HTT: variants seen among roughly 807,000 people sequenced by gnomAD.
HTT encodes huntingtin.
In HTT, 104 loss-of-function variants were observed where a neutral mutation model predicts 362.3. That is an observed-to-expected ratio of 0.29 (90% CI 0.24 to 0.34). The LOEUF is 0.34. Among genes scored for constraint, HTT ranks in the 10% least tolerant of loss-of-function variants. The pLI is 1.00. For synonymous variants in HTT, 1,577 were observed against 1,548.7 expected (o/e 1.02, Z -0.43); for missense variants, 3,301 against 3,928.6 (o/e 0.84, Z 4.27).
intron 21 of HTT, among the ~76,000 whole-genome samples, chr4:3,136,606 A>G (rs1180106836): frequency 6.6e-6 from 1 of 151,890 alleles, no homozygotes; most frequent in African/African-American, 2.4e-5. Flanking sequence ...AGAAAAAAAA[A>G]ATCACCTTCA....
chr4:3,179,998 G>C (rs758504195), intron 35 of HTT, among the ~76,000 whole-genome samples: 32 of 152,204 alleles, frequency 2.1e-4, no homozygotes, highest in Non-Finnish European at 5.9e-5. Flanking sequence ...TAGTAGACCA[G>C]TTAATTTATT....
At chr4:3,100,492 T>A (rs797002680) in intron 3 of HTT, among the ~76,000 whole-genome samples, 1 of 152,230 alleles carries the variant, frequency 6.6e-6, no homozygotes, top group African/African-American at 2.4e-5. Flanking sequence ...GCCATGGGAT[T>A]CTAGCTCCCT....
intron 6 of HTT, among the ~76,000 whole-genome samples, chr4:3,109,968 C>T (rs1435242596): frequency 1.3e-5 from 2 of 152,128 alleles, no homozygotes; most frequent in African/African-American, 2.4e-5. Context: ...AGGAAGGCAT[C>T]TTGGAGGTGG....
chr4:3,118,200 A>G (rs1195426786), intron 8 of HTT, among the ~76,000 whole-genome samples: 1 of 152,172 alleles, frequency 6.6e-6, no homozygotes. Flanking sequence ...TTTAGTGTAT[A>G]TTTTATATCT....
At chr4:3,155,500 C>T (rs1267119818) in intron 27 of HTT, among the ~76,000 whole-genome samples, 2 of 151,608 alleles carry the variant, frequency 1.3e-5, no homozygotes, top group African/African-American at 4.8e-5. Flanking sequence ...GCTGGGATTA[C>T]AGGCATGAGT....
chr4:3,154,266 T>TTTTTTG (rs1250791206), intron 26 of HTT, 27 bp from the exon 27 acceptor site: 2 of 1,520,282 alleles, frequency 1.3e-6, no homozygotes, highest in East Asian at 4.9e-5. Context: ...TGTTTTTTTG[T>TTTTTTG]TTTTTGTTTT....
In HTT at chr4:3,121,242, G is replaced by T. The variant is rs114476023; in HGVS notation, c.1083G>T (p.Thr361=). The stretch of plus-strand genomic sequence containing the variant: ...TCTGTTTCTAGGTTTATGAACTGAC[G>T]TTACATCATACACAGCACCAAGACC... ...AEQLVQVYEL[T]LHHTQHQDHN... is the part of the protein sequence containing the mutation. The change falls in exon 9 of 67, where the codon ACG becomes ACT. Residue 361 remains threonine, a synonymous_variant. Coordinates refer to ENST00000355072, the MANE Select transcript of HTT (RefSeq NM_001388492.1). The T allele has an allele frequency of 3.1e-6, 5 of 1,613,518 alleles. No homozygotes were observed. The highest frequency in any genetic ancestry group is 4.2e-6 in the Non-Finnish European group (5 of 1,179,572).
At chr4:3,150,588 A>G (rs1387741971) in intron 26 of HTT, among the ~76,000 whole-genome samples, 1 of 152,186 alleles carries the variant, frequency 6.6e-6, no homozygotes, top group Non-Finnish European at 1.5e-5. Context: ...TTATCAAGCT[A>G]GAAACAGGTC....
intron 2 of HTT, among the ~76,000 whole-genome samples, chr4:3,089,162 T>G (rs1359482599): frequency 1.3e-5 from 2 of 152,186 alleles, no homozygotes; most frequent in Non-Finnish European, 2.9e-5. Flanking sequence ...TGTGAAACAC[T>G]GTGAAAAAGC....
At position 3,220,162 on chromosome 4, in the gene HTT, C is replaced by G. The variant is rs1394162293; in HGVS notation, c.7243-20C>G. The G allele has an allele frequency of 2.5e-6, 4 of 1,613,998 alleles. No individual in the cohort carries two copies. The East Asian group carries it at 6.7e-5, about 27-fold the overall frequency. On this transcript the variant is annotated intron_variant, in intron 52 of 66. Transcript: ENST00000355072. ...TCCTGACTCAACTCGGATGATGTCA[C>G]TTCCTTTTCATCTTCTCAGGTGTGG...
At chr4:3,223,583 C>T in intron 55 of HTT, 23 bp downstream of exon 55, 1 of 1,583,222 alleles carries the variant, frequency 6.3e-7, no homozygotes, top group Non-Finnish European at 8.6e-7. Context: ...TCCCACGTGT[C>T]TCTGGGACAT....
At chr4:3,145,777 T>C (rs1716568840) in intron 24 of HTT, among the ~76,000 whole-genome samples, 1 of 152,218 alleles carries the variant, frequency 6.6e-6, no homozygotes, top group Non-Finnish European at 1.5e-5. Flanking sequence ...TCACATCACA[T>C]TTGAGAAGTA....
At position 3,147,995 on chromosome 4, in the gene HTT, C is replaced by T; in HGVS notation, c.3296-10C>T. 1 of 1,606,162 alleles carries T rather than the reference C, an allele frequency of 6.2e-7. No homozygotes were observed. Among genetic ancestry groups the T allele is most frequent in the Non-Finnish European group, 8.5e-7 (1 of 1,175,262 alleles). On this transcript the variant is annotated splice_polypyrimidine_tract_variant and intron_variant, in intron 25 of 66. Transcript: ENST00000355072. ...GGGGTGGAGAGGTAATGTCTGTGCC[C>T]ATATCACAGCCAGTGCTCCCAAATC...
Position 3,199,719 on chromosome 4 carries a change from A to C in HTT, c.5369-13A>C. 1 of 1,611,986 alleles carries C rather than the reference A, an allele frequency of 6.2e-7. No homozygotes were observed. Among genetic ancestry groups the C allele is most frequent in the Non-Finnish European group, 8.5e-7 (1 of 1,179,044 alleles). On this transcript the variant is annotated splice_polypyrimidine_tract_variant and intron_variant, in intron 40 of 66. Coordinates refer to ENST00000355072, the MANE Select transcript of HTT (RefSeq NM_001388492.1). ...ATGAAAGCAAAGACATTTCTCCTTAACTTTGTTTCTAGGAATGTTCCGGAG... is the reference window on the plus strand; with the variant it reads ...ATGAAAGCAAAGACATTTCTCCTTACCTTTGTTTCTAGGAATGTTCCGGAG...
In HTT at chr4:3,206,675, T is replaced by C. The variant is rs750974070; in HGVS notation, c.5898T>C (p.Thr1966=). ...AGTCTCGTTGTGAAAACCTTTCAAC[T>C]GTACGTCTTCATCCTGCCGACTATT... The part of the protein sequence containing the change: ...AIQSRCENLS[T]PTMLKKTLQC... Residue 1966 remains threonine (T), a splice_region_variant and synonymous_variant, in exon 43 of 67, where the codon ACT becomes ACC. Coordinates refer to ENST00000355072, the MANE Select transcript of HTT (RefSeq NM_001388492.1). This position sits in a 1 kb window ranked among gnomAD's most constrained non-coding sequence, Gnocchi z 4.6. 6.2e-7 allele frequency: 1 copy of C among 1,613,496 alleles called. No individual in the cohort carries two copies. The highest frequency in any genetic ancestry group is 1.1e-5 in the South Asian group (1 of 91,024).
At chr4:3,222,760 C>A (rs1222338296) in intron 54 of HTT, among the ~76,000 whole-genome samples, 3 of 152,094 alleles carry the variant, frequency 2.0e-5, no homozygotes, top group Admixed American at 1.3e-4. Context: ...TGGAAAATAT[C>A]TTTTAGTTTA....
chr4:3,213,192 C>G (rs188380982), intron 49 of HTT: 192 of 159,042 alleles, frequency 1.2e-3, no homozygotes, highest in Admixed American at 2.8e-3. Flanking sequence ...ACAGAGGCTC[C>G]GCCTCCACCT....
At chr4:3,105,484 A>C (rs976748915) in intron 5 of HTT, 48 bp downstream of exon 5, 4 of 1,214,236 alleles carry the variant, frequency 3.3e-6, no homozygotes, top group Non-Finnish European at 4.9e-6. Context: ...GCCAGCTGCT[A>C]CTGATCCTTT....
intron 3 of HTT, among the ~76,000 whole-genome samples, chr4:3,102,569 G>A (rs1196279998): frequency 6.6e-6 from 1 of 152,224 alleles, no homozygotes; most frequent in African/African-American, 2.4e-5. Context: ...CCCAGAATGT[G>A]ATCTGGTTTT....
Sources: gnomAD v4.1 joint callset for allele counts (sites outside exome capture counted in the v4.1 genomes callset) on GRCh38, gnomAD v4.1.1 for gene constraint, Gnocchi (gnomAD v3.1) non-coding constraint, MANE v1.5 for transcripts, NCBI Gene and HGNC (gene_info 2026-07-23, HGNC 2026-07-21) for gene names.